CCND3: variants seen among roughly 807,000 people sequenced by gnomAD.
CCND3 encodes G1/S-specific cyclin-D3.
A neutral mutation model predicts 28.7 loss-of-function variants in CCND3; 9 were observed. The ratio of observed to expected loss-of-function variants is 0.31; its 90% CI spans 0.19 to 0.55. The LOEUF is 0.55. CCND3 is among the 20% of genes least tolerant of loss of function. The probability of loss-of-function intolerance (pLI) is 0.93; values close to 1 mark genes in which losing one functional copy is unlikely to be tolerated. For missense variants in CCND3, 315 were observed against 385.8 expected, an observed-to-expected ratio of 0.82 and a Z score of 1.54; for synonymous variants, 164 against 163.9, an observed-to-expected ratio of 1.00 and a Z score of 0.00.
intron 1 of CCND3, among the ~76,000 whole-genome samples, chr6:42,021,429 G>A (rs1561991072): frequency 6.6e-6 from 1 of 152,152 alleles, no homozygotes; most frequent in Non-Finnish European, 1.5e-5. Flanking sequence ...GGAGAAACAC[G>A]GACGGGCCCA....
chr6:42,044,226 C>T (rs1027532642), intron 1 of CCND3, among the ~76,000 whole-genome samples: 4 of 152,250 alleles, frequency 2.6e-5, no homozygotes, highest in Admixed American at 6.5e-5. Context: ...GCACCTTTTA[C>T]GGGGGCTTTG....
rs114936272 is a variant in CCND3 at position 41,973,625 on chromosome 6, T to G, written c.-45-33040A>C. 3.4e-3 allele frequency among the ~76,000 whole-genome samples: 519 copies of G among 152,310 alleles called. 3 individuals are homozygous for G. Among genetic ancestry groups the G allele is most frequent in the African/African-American group, 0.011 (475 of 41,582 alleles). ...GGGTTTGATTCCCAGATCCACCACCTACCAGCTGCATGACCTTGACAAGTC... is the reference window on the plus strand; with the variant it reads ...GGGTTTGATTCCCAGATCCACCACCGACCAGCTGCATGACCTTGACAAGTC... On this transcript the variant is annotated intron_variant, in intron 1 of 4. Coordinates refer to the CCND3 transcript ENST00000372988.
chr6:41,937,944 A>T (rs1390193647), intron 2 of CCND3, among the ~76,000 whole-genome samples: 1 of 152,276 alleles, frequency 6.6e-6, no homozygotes, highest in Non-Finnish European at 1.5e-5. Context: ...GCCTTTTCTC[A>T]GGTTCCTCAA....
At chr6:42,021,928 T>C (rs1440998082) in intron 1 of CCND3, among the ~76,000 whole-genome samples, 1 of 152,168 alleles carries the variant, frequency 6.6e-6, no homozygotes, top group African/African-American at 2.4e-5. Context: ...TCCAGGTGGG[T>C]GCCCATAAAG....
intron 1 of CCND3, among the ~76,000 whole-genome samples, chr6:41,970,337 C>T (rs1253389280): frequency 6.6e-6 from 1 of 151,210 alleles, no homozygotes; most frequent in African/African-American, 2.4e-5. Context: ...GACTCCGTCT[C>T]AAAAATAAAA....
chr6:42,010,076 T>C (rs1446401403), intron 1 of CCND3, among the ~76,000 whole-genome samples: 1 of 152,074 alleles, frequency 6.6e-6, no homozygotes, highest in Non-Finnish European at 1.5e-5. Context: ...GGCACCCCCA[T>C]GTTCATTCTC....
upstream of CCND3, among the ~76,000 whole-genome samples, chr6:41,942,526 T>C (rs994152904): frequency 2.6e-5 from 4 of 152,184 alleles, no homozygotes; most frequent in African/African-American, 9.7e-5. Context: ...GGAAAGGCCA[T>C]GGAGTCATGG....
intron 1 of CCND3, among the ~76,000 whole-genome samples, chr6:42,010,287 C>T (rs2053741770): frequency 6.6e-6 from 1 of 152,158 alleles, no homozygotes; most frequent in Non-Finnish European, 1.5e-5. Flanking sequence ...GCAGTGGAAA[C>T]CTACTGCTTT....
At chr6:42,040,473 T>C (rs992639141) in intron 1 of CCND3, among the ~76,000 whole-genome samples, 1 of 152,048 alleles carries the variant, frequency 6.6e-6, no homozygotes, top group Admixed American at 6.6e-5. Context: ...GTCAGAGTTA[T>C]TTCAGCCACC....
At position 42,048,208 on chromosome 6, in the gene CCND3, G is replaced by C; in HGVS notation, c.-46+293C>G. 1 of 236,522 alleles carries C rather than the reference G, an allele frequency of 4.2e-6. No homozygotes were observed. 14.7% of individuals were successfully genotyped at this position (236,522 alleles called of 1,614,324 possible). A position where few individuals can be genotyped will look rare whatever the true frequency, so the allele number is the denominator to read the frequency against. On this transcript the variant is annotated intron_variant, in intron 1 of 4. Coordinates refer to the CCND3 transcript ENST00000372988. The surrounding 1 kb of genome is among the most constrained non-coding windows in gnomAD (Gnocchi z 4.7). The stretch of plus-strand genomic sequence containing the variant: ...TACTGGCCTTCCACCCCATCTTTGA[G>C]GCATGAGAAGACCAACAGCCCGGTA...
chr6:41,945,638 C>T (rs1485820558), upstream of CCND3, among the ~76,000 whole-genome samples: 2 of 152,168 alleles, frequency 1.3e-5, no homozygotes, highest in African/African-American at 2.4e-5. Context: ...CTGGGGAGAG[C>T]CAAGCGAGCC....
intron 1 of CCND3, among the ~76,000 whole-genome samples, chr6:42,036,306 T>TTTTATATATATATA (rs1554168336): frequency 7.7e-5 from 10 of 130,678 alleles, no homozygotes; most frequent in South Asian, 2.4e-4. Flanking sequence ...AAATTATTAT[T>TTTTATATATATATA]TATATATATA....
At chr6:42,008,979 G>A (rs958040998) in intron 1 of CCND3, among the ~76,000 whole-genome samples, 5 of 152,222 alleles carry the variant, frequency 3.3e-5, no homozygotes, top group African/African-American at 1.2e-4. Flanking sequence ...TGGGAATAGG[G>A]AACATGCAGA....
intron 1 of CCND3, among the ~76,000 whole-genome samples, chr6:41,956,608 G>A (rs114789046): frequency 6.6e-6 from 1 of 152,210 alleles, no homozygotes; most frequent in African/African-American, 2.4e-5. Context: ...TGAGGAATCT[G>A]ATAGCATGAT....
chr6:42,019,982 T>A (rs1025130890), intron 1 of CCND3, among the ~76,000 whole-genome samples: 6 of 152,138 alleles, frequency 3.9e-5, no homozygotes, highest in Non-Finnish European at 5.9e-5. Flanking sequence ...CATCTTATAA[T>A]TTTTTTAAAA....
rs540812527 is a variant in CCND3, at chr6:41,991,708, TA to T, written c.-45-51124del. ...GGAACTTATTCCTCCTATGTAGCTG[TA>T]ATTTTGTAACCTTTAACAAATCTCT... On this transcript the variant is annotated intron_variant, in intron 1 of 4. Transcript: ENST00000372988. Among the ~76,000 whole-genome samples, 328 of 152,334 alleles carry T rather than the reference TA, an allele frequency of 2.2e-3. 3 individuals are homozygous for T. In the South Asian group the frequency reaches 0.023, roughly 11 times the overall value.
intron 1 of CCND3, among the ~76,000 whole-genome samples, chr6:42,034,147 C>CTT (rs529799896): frequency 2.0e-4 from 28 of 137,612 alleles, no homozygotes; most frequent in South Asian, 9.4e-4. Context: ...AAGACCCTGT[C>CTT]TTTTTTTTTT....
chr6:42,008,698 T>C lies in CCND3; in HGVS notation c.-46+39803A>G, dbSNP rs200903420. On this transcript the variant is annotated intron_variant, in intron 1 of 4. Coordinates refer to the CCND3 transcript ENST00000372988. ...TTGGTCTGGAAAGGGTCTATGTGCA[T>C]GTAAATACTTATGTATATATTCGGT... Among the ~76,000 whole-genome samples the C allele has an allele frequency of 1.2e-4, 18 of 152,234 alleles. No individual in the cohort carries two copies. The East Asian group carries it at 3.3e-3, about 28-fold the overall frequency.
At chr6:41,970,752 A>C (rs1332363383) in intron 1 of CCND3, among the ~76,000 whole-genome samples, 1 of 152,136 alleles carries the variant, frequency 6.6e-6, no homozygotes, top group African/African-American at 2.4e-5. Context: ...TGGGTGCCCA[A>C]CTGACAGTGC....
Sources: allele counts gnomAD v4.1 joint callset (sites outside exome capture counted in the v4.1 genomes callset), GRCh38; gene constraint gnomAD v4.1.1; non-coding constraint Gnocchi (gnomAD v3.1); transcripts MANE v1.5; gene names NCBI Gene and HGNC (gene_info 2026-07-23, HGNC 2026-07-21).